The following MICAL3 variants were observed in gnomAD, a reference collection of about 807,000 sequenced individuals.
MICAL3 encodes microtubule associated monooxygenase, calponin and LIM domain containing 3, also known as [F-actin]-monooxygenase MICAL3.
MICAL3 carries 62 observed loss-of-function variants against 207.4 expected under a neutral mutation model. That is an observed-to-expected ratio of 0.30 (90% CI 0.24 to 0.37). The LOEUF (loss-of-function observed/expected upper bound fraction) is 0.37. Ranked by LOEUF, MICAL3 falls within the 10% of genes least tolerant of loss-of-function variation. The pLI is 1.00. For synonymous variants in MICAL3, 1,077 were observed against 1,069.3 expected (o/e 1.01, Z -0.14); for missense variants, 2,368 against 2,635.6 (o/e 0.90, Z 2.22).
chr22:17,824,189 A>G (rs890837760), intron 22 of MICAL3, among the ~76,000 whole-genome samples: 4 of 152,222 alleles, frequency 2.6e-5, no homozygotes, highest in Admixed American at 1.3e-4. Flanking sequence ...TGAGACCCAC[A>G]GGACCACTGG....
rs1289997744 is a variant in MICAL3 at position 17,876,697 on chromosome 22, G to GGGTTATGGA, written c.2242-4683_2242-4675dup. The GGGTTATGGA allele has an allele frequency of 3.1e-3, 398 of 130,472 alleles. 3 individuals are homozygous for GGGTTATGGA. Among genetic ancestry groups the GGGTTATGGA allele is most frequent in the African/African-American group, 0.01 (369 of 36,646 alleles). The allele number at this position is 130,472 out of a possible 1,614,324, so 8.1% of individuals were successfully genotyped here. A position where few individuals can be genotyped will look rare whatever the true frequency, so the allele number is the denominator to read the frequency against. ...GGCAGAGAGGGCAAGTACACATGCA[G>GGGTTATGGA]GGTTATGGAGGTTAGGGAGGTTATG... On this transcript the variant is annotated intron_variant, in intron 16 of 31. Coordinates refer to ENST00000441493, the MANE Select transcript of MICAL3 (RefSeq NM_015241.3).
chr22:17,977,094 G>A (rs1010018448), intron 1 of MICAL3, among the ~76,000 whole-genome samples: 10 of 152,124 alleles, frequency 6.6e-5, no homozygotes, highest in African/African-American at 9.7e-5. Context: ...GAGCCACCAC[G>A]CCCGGCAGAG....
chr22:17,951,017 C>T (rs183349255), intron 1 of MICAL3, among the ~76,000 whole-genome samples: 1 of 152,226 alleles, frequency 6.6e-6, no homozygotes, highest in Admixed American at 6.5e-5. Context: ...AGTCTCCTAC[C>T]ACGGGTCTTC....
intron 1 of MICAL3, among the ~76,000 whole-genome samples, chr22:17,960,985 T>G (rs1602297607): frequency 6.6e-6 from 1 of 151,776 alleles, no homozygotes; most frequent in East Asian, 1.9e-4. Context: ...TTGACTGGGG[T>G]GCGAGGGGAA....
At chr22:17,918,807 G>A (rs1250224398) in intron 1 of MICAL3, among the ~76,000 whole-genome samples, 5 of 151,984 alleles carry the variant, frequency 3.3e-5, no homozygotes, top group East Asian at 1.9e-4. Flanking sequence ...TCTTCCCTCC[G>A]ATCCGTTCAC....
rs962996912 is a variant in MICAL3 at position 17,831,957 on chromosome 22, T to C, written c.2952A>G (p.Ser984=). 1.3e-6 allele frequency: 2 copies of C among 1,586,268 alleles called. No individual in the cohort carries two copies. The highest frequency in any genetic ancestry group is 2.7e-5 in the African/African-American group (2 of 74,134). ...KGKSEEELEA[S]KSFGPGNEEE... ...CTTCATTCCCAGGCCCAAAGCTCTT[T>C]GAGGCCTCTAGCTCCTCTTCACTTT... The change falls in exon 21 of 32, where the codon TCA becomes TCG. Residue 984 remains serine, a synonymous_variant. Transcript: ENST00000441493.
chr22:17,795,554 C>A lies in MICAL3; in HGVS notation c.5651-4253G>T, dbSNP rs117306911. On this transcript the variant is annotated intron_variant, in intron 29 of 31. Coordinates refer to ENST00000441493, the MANE Select transcript of MICAL3 (RefSeq NM_015241.3). ...TATGTAGGCCACATCCTCATACGCC[C>A]TTCCCAACACAGAGAACAATATAAC... 7.2e-3 allele frequency among the ~76,000 whole-genome samples: 1,103 copies of A among 152,354 alleles called. 34 individuals carry two copies. In the East Asian group the frequency reaches 0.1, roughly 14 times the overall value.
chr22:17,903,987 T>G (rs1215614949), intron 3 of MICAL3, among the ~76,000 whole-genome samples: 4 of 152,212 alleles, frequency 2.6e-5, no homozygotes, highest in African/African-American at 9.6e-5. Context: ...GCTGATTGCA[T>G]TAACTTGTAT....
intron 11 of MICAL3, among the ~76,000 whole-genome samples, chr22:17,892,698 C>T (rs1461804404): frequency 1.3e-5 from 2 of 152,240 alleles, no homozygotes; most frequent in East Asian, 3.8e-4. Context: ...GATACACTCT[C>T]TGCTTTCAAA....
chr22:18,008,944 A>T (rs1021561757), intron 1 of MICAL3, among the ~76,000 whole-genome samples: 1 of 151,878 alleles, frequency 6.6e-6, no homozygotes, highest in Non-Finnish European at 1.5e-5. Flanking sequence ...GGAAATTAAA[A>T]CGCAACTTGA....
At chr22:17,939,779 C>G (rs1933722470) in intron 1 of MICAL3, among the ~76,000 whole-genome samples, 1 of 152,154 alleles carries the variant, frequency 6.6e-6, no homozygotes, top group Non-Finnish European at 1.5e-5. Context: ...AGAGCAACTG[C>G]CCTCCTCTAC....
intron 1 of MICAL3, among the ~76,000 whole-genome samples, chr22:17,971,690 G>A (rs940181318): frequency 6.6e-6 from 1 of 152,238 alleles, no homozygotes; most frequent in African/African-American, 2.4e-5. Flanking sequence ...AGCCATCGGT[G>A]TAAAAACGTC....
At chr22:17,973,875 C>T (rs894664932) in intron 1 of MICAL3, among the ~76,000 whole-genome samples, 4 of 151,980 alleles carry the variant, frequency 2.6e-5, no homozygotes, top group East Asian at 3.9e-4. Context: ...AAGCTGTGGT[C>T]GCACCACTGC....
At chr22:17,832,505 C>G (rs966635014) in intron 20 of MICAL3, among the ~76,000 whole-genome samples, 1 of 152,206 alleles carries the variant, frequency 6.6e-6, no homozygotes, top group Non-Finnish European at 1.5e-5. Flanking sequence ...CAAACTCAAG[C>G]CACAGCCCCA....
chr22:17,891,992 A>ACAGTC (rs1463815019), intron 11 of MICAL3, among the ~76,000 whole-genome samples: 6 of 152,298 alleles, frequency 3.9e-5, no homozygotes, highest in African/African-American at 1.4e-4. Flanking sequence ...GAGTTCCCGG[A>ACAGTC]CAGTCGCTGG....
At chr22:17,807,629 A>C (rs2062001463) in intron 29 of MICAL3, among the ~76,000 whole-genome samples, 1 of 152,136 alleles carries the variant, frequency 6.6e-6, no homozygotes, top group African/African-American at 2.4e-5. Context: ...CCAGGCCTTA[A>C]AGGGCCTGGG....
At chr22:17,814,000 A>T (rs2062076079) in intron 27 of MICAL3, 1 of 152,266 alleles carries the variant, frequency 6.6e-6, no homozygotes, top group African/African-American at 2.4e-5. Flanking sequence ...AACATTTTAA[A>T]TAAAAAATAA....
chr22:17,963,804 T>A (rs372196211), intron 1 of MICAL3, among the ~76,000 whole-genome samples: 1 of 152,146 alleles, frequency 6.6e-6, no homozygotes, highest in Admixed American at 6.5e-5. Context: ...AGGCCGATCA[T>A]TGCCTTGCAA....
intron 1 of MICAL3, among the ~76,000 whole-genome samples, chr22:18,023,465 C>T (rs1924611770): frequency 6.6e-6 from 1 of 152,174 alleles, no homozygotes; most frequent in African/African-American, 2.4e-5. Flanking sequence ...AATAGTTGAT[C>T]ACAGTGCCAG....
Sources: gnomAD v4.1 joint callset for allele counts (sites outside exome capture counted in the v4.1 genomes callset) on GRCh38, gnomAD v4.1.1 for gene constraint, MANE v1.5 for transcripts, NCBI Gene and HGNC (gene_info 2026-07-23, HGNC 2026-07-21) for gene names.